NRAP: variants seen among roughly 807,000 people sequenced by gnomAD.
NRAP encodes nebulin related anchoring protein.
NRAP carries 189 observed loss-of-function variants against 225.9 expected under a neutral mutation model. That is an observed-to-expected ratio of 0.84 (90% CI 0.74 to 0.94). NRAP has a LOEUF of 0.94. NRAP is among the 40% of genes least tolerant of loss of function. NRAP has a pLI of 0.00. For synonymous variants in NRAP, 769 were observed against 790.7 expected (o/e 0.97, Z 0.46); for missense variants, 2,176 against 2,168.7 (o/e 1.00, Z -0.07).
chr10:113,628,672 T>C (rs981996565), intron 20 of NRAP, among the ~76,000 whole-genome samples: 2 of 152,198 alleles, frequency 1.3e-5, no homozygotes, highest in African/African-American at 4.8e-5. Context: ...TAAACCAAAT[T>C]ATTCTTTGGA....
intron 36 of NRAP, among the ~76,000 whole-genome samples, chr10:113,597,582 A>C (rs1479988284): frequency 2.0e-5 from 3 of 152,170 alleles, no homozygotes; most frequent in Non-Finnish European, 4.4e-5. Flanking sequence ...TAGTATGGTA[A>C]GGAGTTCAGT....
chr10:113,592,097 T>G lies in NRAP; in HGVS notation c.4644+97A>C, dbSNP rs1412165056. ...TTCAGTTTTGGTGCAGAGAGAGAGA[T>G]AATCTTGACAGGTCCTGGTGGTTTG... is the stretch of plus-strand genomic sequence containing the variant. On this transcript the variant is annotated intron_variant, in intron 39 of 41. Transcript: ENST00000359988. 8.2e-6 allele frequency: 5 copies of G among 609,214 alleles called. No homozygotes were observed. In the East Asian group the frequency reaches 8.7e-5, roughly 11 times the overall value. The allele number at this position is 609,214 out of a possible 1,614,324, so 37.7% of individuals were successfully genotyped here. A position where few individuals can be genotyped will look rare whatever the true frequency, so the allele number is the denominator to read the frequency against.
intron 16 of NRAP, among the ~76,000 whole-genome samples, chr10:113,632,569 GT>G (rs1490138304): frequency 0.021 from 3,219 of 152,284 alleles, 125 homozygotes; most frequent in African/African-American, 0.074. Flanking sequence ...GCCACCAACT[GT>G]GTCCCTACAA....
At chr10:113,632,989 G>T in intron 16 of NRAP, 95 bp downstream of exon 16, 1 of 749,566 alleles carries the variant, frequency 1.3e-6, no homozygotes, top group South Asian at 1.4e-5. Context: ...CCTTTCTCAG[G>T]GACAGACACT....
chr10:113,590,467 T>G, intron 40 of NRAP, 111 bp downstream of exon 40: 1 of 1,049,072 alleles, frequency 9.5e-7, no homozygotes, highest in South Asian at 1.6e-5. Flanking sequence ...TCTTGGATTC[T>G]CTCTCAGCCC....
intron 27 of NRAP, among the ~76,000 whole-genome samples, chr10:113,615,475 C>T (rs1212192207): frequency 6.6e-6 from 1 of 152,110 alleles, no homozygotes; most frequent in Non-Finnish European, 1.5e-5. Flanking sequence ...AGAGAATGTC[C>T]CCAGATCATT....
intron 37 of NRAP, 76 bp downstream of exon 37, chr10:113,597,010 C>G: frequency 1.1e-6 from 1 of 951,950 alleles, no homozygotes; most frequent in Non-Finnish European, 1.7e-6. Flanking sequence ...TGTCCAGAGC[C>G]TGTGTTCTTA....
At chr10:113,622,877 C>G (rs1848081239) in intron 23 of NRAP, among the ~76,000 whole-genome samples, 1 of 152,154 alleles carries the variant, frequency 6.6e-6, no homozygotes, top group Non-Finnish European at 1.5e-5. Flanking sequence ...GTAAACCAAC[C>G]ACATCACCAA....
intron 2 of NRAP, among the ~76,000 whole-genome samples, 174 bp from the exon 3 acceptor site, chr10:113,662,940 C>G (rs1400137482): frequency 6.6e-6 from 1 of 151,722 alleles, no homozygotes; most frequent in East Asian, 1.9e-4. Context: ...GAAAAAAAAG[C>G]AAATCAAATA....
rs149370045 is a variant in NRAP at position 113,604,852 on chromosome 10, G to A, written c.3984C>T (p.Asp1328=). The A allele has an allele frequency of 5.8e-5, 94 of 1,614,212 alleles. No homozygotes were observed. The African/African-American group carries it at 9.9e-4, about 17-fold the overall frequency. ...TGCGCCGGCAGTGCTGGATCCGGGGGTCGTCTCTTACACTCTGGGGCCCTA... is the reference window on the plus strand; with the variant it reads ...TGCGCCGGCAGTGCTGGATCCGGGGATCGTCTCTTACACTCTGGGGCCCTA... ...KLIGPQSVRD[D]PRIQHCRRMG... is the part of the protein sequence containing the mutation. Residue 1328 remains aspartate (D), a synonymous_variant, in exon 35 of 42, where the codon GAC becomes GAT. Coordinates refer to ENST00000359988, the MANE Select transcript of NRAP (RefSeq NM_198060.4).
chr10:113,650,490 A>G lies in NRAP; in HGVS notation c.731T>C (p.Met244Thr), dbSNP rs755072341. Residue 244 changes from methionine to threonine, a missense_variant, in exon 8 of 42, where the codon ATG (methionine) becomes ACG (threonine). This residue lies in a region of NRAP where 1,708 missense variants were observed against 1,695.5 expected (regional missense o/e 1.01). Transcript: ENST00000359988. ...QQRGKGSFPA[M>T]ITPAYQIAKR... ...GGCTATCTGATAGGCGGGTGTGATCATCGCAGGGAAACTGCCTTTCCCTCT... is the reference window on the plus strand; with the variant it reads ...GGCTATCTGATAGGCGGGTGTGATCGTCGCAGGGAAACTGCCTTTCCCTCT... 1.9e-6 allele frequency: 3 copies of G among 1,613,974 alleles called. No homozygotes were observed. The highest frequency in any genetic ancestry group is 2.2e-5 in the South Asian group (2 of 91,076).
chr10:113,652,910 G>A (rs778952707), intron 6 of NRAP, 25 bp downstream of exon 6: 1 of 1,510,290 alleles, frequency 6.6e-7, no homozygotes, highest in Admixed American at 1.7e-5. Context: ...CATAATCAAT[G>A]GTGAAAAAGC....
rs374156965 is a variant in NRAP, at chr10:113,641,394, C to T, written c.1294G>A (p.Ala432Thr). The change falls in exon 13 of 42, where the codon GCT becomes ACT. Residue 432 changes from alanine (A) to threonine (T), a missense_variant. This residue lies in a region of NRAP where 1,708 missense variants were observed against 1,695.5 expected (regional missense o/e 1.01). Transcript: ENST00000359988. ...GVGMDRRTLH[A>T]MKVGSLASNV... ...CTTGCCAGGCTGCCAACTTTCATAGCATGCAGAGTGCGTCTGTCCATACCA... is the reference window on the plus strand; with the variant it reads ...CTTGCCAGGCTGCCAACTTTCATAGTATGCAGAGTGCGTCTGTCCATACCA... 1 of 1,613,636 alleles carries T rather than the reference C, an allele frequency of 6.2e-7. No homozygotes were observed. Among genetic ancestry groups the T allele is most frequent in the Non-Finnish European group, 8.5e-7 (1 of 1,179,682 alleles).
chr10:113,610,372 AAG>A lies in NRAP; in HGVS notation c.3603+85_3603+86del, dbSNP rs2133923590. The A allele has an allele frequency of 3.5e-4, 239 of 690,042 alleles. 1 individual carries two copies. In the South Asian group the frequency reaches 4.0e-3, roughly 11 times the overall value. The allele number at this position is 690,042 out of a possible 1,614,324, so 42.7% of individuals were successfully genotyped here. Reference sequence around the variant, plus strand: ...CTCAAATTAAAAAAAAAAAAAAAAAAAGGAAGAAAGAAAAAGGAAAGAAACAA... The same window carrying A: ...CTCAAATTAAAAAAAAAAAAAAAAAAGAAGAAAGAAAAAGGAAAGAAACAA... On this transcript the variant is annotated intron_variant, in intron 31 of 41. Transcript: ENST00000359988.
At chr10:113,642,068 T>C (rs1189454781) in intron 12 of NRAP, among the ~76,000 whole-genome samples, 3 of 152,014 alleles carry the variant, frequency 2.0e-5, no homozygotes, top group Non-Finnish European at 4.4e-5. Flanking sequence ...GGTATTAAAA[T>C]CACCTAACCT....
At chr10:113,661,443 G>T (rs977908732) in intron 3 of NRAP, among the ~76,000 whole-genome samples, 1 of 152,196 alleles carries the variant, frequency 6.6e-6, no homozygotes, top group African/African-American at 2.4e-5. Flanking sequence ...GAGGAGGACA[G>T]CTGGGCAGGG....
At chr10:113,591,568 G>A (rs1845995952) in intron 39 of NRAP, among the ~76,000 whole-genome samples, 1 of 152,160 alleles carries the variant, frequency 6.6e-6, no homozygotes, top group East Asian at 1.9e-4. Flanking sequence ...TTATCCAATT[G>A]TGGACCAGCA....
chr10:113,604,846 C>T lies in NRAP; in HGVS notation c.3990G>A (p.Arg1330=), dbSNP rs1846844650. Residue 1330 remains arginine, a synonymous_variant, in exon 35 of 42, where the codon CGG becomes CGA. Transcript: ENST00000359988. The stretch of plus-strand genomic sequence containing the variant: ...GGCCCATGCGCCGGCAGTGCTGGAT[C>T]CGGGGGTCGTCTCTTACACTCTGGG... ...IGPQSVRDDP[R]IQHCRRMGQL... 3.1e-6 allele frequency: 5 copies of T among 1,614,152 alleles called. No individual in the cohort carries two copies. The highest frequency in any genetic ancestry group is 2.7e-5 in the African/African-American group (2 of 75,034).
At chr10:113,630,315 G>A (rs887217430) in intron 18 of NRAP, among the ~76,000 whole-genome samples, 35 of 152,082 alleles carry the variant, frequency 2.3e-4, no homozygotes, top group African/African-American at 5.3e-4. Flanking sequence ...ATGGTGGTTC[G>A]GTGGTGATGA....
Sources: gnomAD v4.1 joint callset for allele counts (sites outside exome capture counted in the v4.1 genomes callset) on GRCh38, gnomAD v4.1.1 for gene constraint, gnomAD v4.1.1 regional missense constraint, MANE v1.5 for transcripts, NCBI Gene and HGNC (gene_info 2026-07-23, HGNC 2026-07-21) for gene names.